Variants in SRBD1 observed in about 807,000 individuals in gnomAD.
SRBD1 encodes S1 RNA-binding domain-containing protein 1.
SRBD1 carries 88 observed loss-of-function variants against 115.3 expected under a neutral mutation model. The ratio of observed to expected loss-of-function variants is 0.76; its 90% CI spans 0.64 to 0.91. SRBD1 has a LOEUF of 0.91. SRBD1 is among the 40% of genes least tolerant of loss of function. The pLI is 0.00. For synonymous variants in SRBD1, 509 were observed against 407.7 expected (o/e 1.25, Z -2.99); for missense variants, 1,385 against 1,177.4 (o/e 1.18, Z -2.58).
chr2:45,448,370 T>A (rs940447899), intron 16 of SRBD1, among the ~76,000 whole-genome samples: 4 of 152,120 alleles, frequency 2.6e-5, no homozygotes, highest in Non-Finnish European at 5.9e-5. Context: ...AAAAAAACAT[T>A]ATGATCACCA....
Position 45,405,315 on chromosome 2 carries a change from G to A in SRBD1, c.2513+7799C>T, listed in dbSNP as rs530426088. On this transcript the variant is annotated intron_variant, in intron 19 of 20. Coordinates refer to ENST00000263736, the MANE Select transcript of SRBD1 (RefSeq NM_018079.5). ...TTCATGCCATTAACTATTCATTACT[G>A]AGCCTTTTTTGTTTGTCTTGTTTTT... Among the ~76,000 whole-genome samples the A allele has an allele frequency of 2.6e-5, 4 of 152,180 alleles. No homozygotes were observed. In the South Asian group the frequency reaches 6.2e-4, roughly 24 times the overall value.
At position 45,437,138 on chromosome 2, in the gene SRBD1, T is replaced by C. The variant is rs757317305; in HGVS notation, c.2050-17244A>G. On this transcript the variant is annotated intron_variant, in intron 16 of 20. Transcript: ENST00000263736. ...GAACTAAGAGGAGAGATATTTCATG[T>C]ATGTGGGTAGGATGACTCAATACTG... 1.1e-3 allele frequency among the ~76,000 whole-genome samples: 165 copies of C among 152,222 alleles called. 2 individuals carry two copies. The highest frequency in any genetic ancestry group is 1.7e-3 in the Non-Finnish European group (113 of 68,014).
chr2:45,420,194 C>A (rs1191103456), intron 16 of SRBD1, among the ~76,000 whole-genome samples: 1 of 152,172 alleles, frequency 6.6e-6, no homozygotes. Context: ...ACCTGTATGG[C>A]TTGGTAACAC....
intron 4 of SRBD1, among the ~76,000 whole-genome samples, chr2:45,595,833 G>A (rs970462125): frequency 1.3e-5 from 2 of 152,140 alleles, no homozygotes; most frequent in Non-Finnish European, 2.9e-5. Flanking sequence ...TAGTTTCCCA[G>A]GCAATTTCCC....
intron 16 of SRBD1, among the ~76,000 whole-genome samples, chr2:45,446,790 G>A (rs955149986): frequency 4.0e-5 from 6 of 151,688 alleles, no homozygotes; most frequent in African/African-American, 1.5e-4. Flanking sequence ...AAAGGAATGA[G>A]CATCAGACTG....
intron 14 of SRBD1, among the ~76,000 whole-genome samples, chr2:45,504,678 G>C (rs1467812167): frequency 6.6e-6 from 1 of 152,072 alleles, no homozygotes; most frequent in Admixed American, 6.6e-5. Context: ...CACTTATCAA[G>C]TAAACACTTT....
chr2:45,562,180 T>G (rs893576496), intron 10 of SRBD1, among the ~76,000 whole-genome samples: 16 of 152,154 alleles, frequency 1.1e-4, no homozygotes, highest in African/African-American at 3.9e-4. Context: ...TTTTTTTTAA[T>G]TCAAAAAGGA....
At chr2:45,531,980 C>T (rs1671627821) in intron 14 of SRBD1, among the ~76,000 whole-genome samples, 1 of 151,830 alleles carries the variant, frequency 6.6e-6, no homozygotes, top group Non-Finnish European at 1.5e-5. Context: ...CCACCCTCTT[C>T]AATCTTCTGA....
chr2:45,471,315 T>A (rs1022158642), intron 16 of SRBD1, among the ~76,000 whole-genome samples: 1 of 152,198 alleles, frequency 6.6e-6, no homozygotes, highest in Non-Finnish European at 1.5e-5. Flanking sequence ...TTGTTTTTAT[T>A]CTAGAGCAAC....
At chr2:45,488,704 T>C (rs1670198005) in intron 14 of SRBD1, among the ~76,000 whole-genome samples, 1 of 152,216 alleles carries the variant, frequency 6.6e-6, no homozygotes, top group Admixed American at 6.5e-5. Context: ...CATTATTGAC[T>C]GACATTTATG....
intron 14 of SRBD1, among the ~76,000 whole-genome samples, chr2:45,539,834 G>C (rs1354195244): frequency 6.6e-6 from 1 of 151,930 alleles, no homozygotes; most frequent in Non-Finnish European, 1.5e-5. Flanking sequence ...GAACAAAAAA[G>C]GAAAGAAAGC....
At chr2:45,487,606 T>C (rs962825374) in intron 15 of SRBD1, among the ~76,000 whole-genome samples, 1 of 152,090 alleles carries the variant, frequency 6.6e-6, no homozygotes, top group African/African-American at 2.4e-5. Flanking sequence ...TTCAATAATA[T>C]TTTGTAACAA....
chr2:45,497,380 G>C (rs1196804060), intron 14 of SRBD1, among the ~76,000 whole-genome samples: 1 of 152,154 alleles, frequency 6.6e-6, no homozygotes, highest in African/African-American at 2.4e-5. Context: ...TACAGGAACA[G>C]GGTAGACTGA....
chr2:45,544,461 T>A (rs934440184), intron 14 of SRBD1, among the ~76,000 whole-genome samples: 7 of 152,150 alleles, frequency 4.6e-5, no homozygotes, highest in Non-Finnish European at 8.8e-5. Flanking sequence ...TCAGAGGCAG[T>A]AGGTGGCAGG....
At chr2:45,610,274 A>G (rs1473917964) in intron 1 of SRBD1, among the ~76,000 whole-genome samples, 1 of 152,234 alleles carries the variant, frequency 6.6e-6, no homozygotes, top group Non-Finnish European at 1.5e-5. Flanking sequence ...CTAAATTAAA[A>G]TTGGAAAAAA....
intron 6 of SRBD1, 129 bp from the exon 7 acceptor site, chr2:45,580,142 A>G (rs1673304735): frequency 2.7e-6 from 2 of 740,452 alleles, no homozygotes; most frequent in Non-Finnish European, 3.9e-6. Context: ...CTCTTCCTTC[A>G]GAGATGAATT....
In SRBD1 at chr2:45,413,193, T is replaced by C. The variant is rs765134571; in HGVS notation, c.2434A>G (p.Thr812Ala). ...NEKQGKKKSKTAVNVLLKPNP... is the reference protein window; with the variant it reads ...NEKQGKKKSKAAVNVLLKPNP... ...GGCTTCAGTAAAACATTCACTGCAG[T>C]TTTGCTCTTCTTTTTGCCCTGCTTC... Residue 812 changes from threonine (T) to alanine (A), a missense_variant, in exon 19 of 21, where the codon ACT becomes GCT. Thr to Ala is a moderately conservative substitution (Grantham distance 58). Transcript: ENST00000263736. 6.2e-7 allele frequency: 1 copy of C among 1,614,106 alleles called. No homozygotes were observed. The highest frequency in any genetic ancestry group is 8.5e-7 in the Non-Finnish European group (1 of 1,179,974).
chr2:45,606,047 A>C (rs1480484142), intron 1 of SRBD1, among the ~76,000 whole-genome samples: 1 of 152,008 alleles, frequency 6.6e-6, no homozygotes. Context: ...ATTTTTTAAG[A>C]ATTGTGTGCT....
intron 16 of SRBD1, among the ~76,000 whole-genome samples, chr2:45,431,684 G>C (rs1310223226): frequency 6.6e-6 from 1 of 152,090 alleles, no homozygotes; most frequent in East Asian, 1.9e-4. Flanking sequence ...GTGGATGATG[G>C]GTTGATGGGT....
Sources: allele counts gnomAD v4.1 joint callset (sites outside exome capture counted in the v4.1 genomes callset), GRCh38; gene constraint gnomAD v4.1.1; transcripts MANE v1.5; gene names NCBI Gene and HGNC (gene_info 2026-07-23, HGNC 2026-07-21).